The following SBF2 variants were observed in gnomAD, a reference collection of about 807,000 sequenced individuals.
SBF2 encodes the protein myotubularin-related protein 13.
Under a neutral mutation model 225.2 loss-of-function variants are expected in SBF2, and 112 were observed. That is an observed-to-expected ratio of 0.50 (90% CI 0.43 to 0.58). The LOEUF (loss-of-function observed/expected upper bound fraction) is 0.58, where lower values mean the gene tolerates loss of function less well. SBF2 is among the 20% of genes least tolerant of loss of function. The probability of loss-of-function intolerance (pLI) is 0.00; values close to 1 mark genes in which losing one functional copy is unlikely to be tolerated. For missense variants in SBF2, 1,996 were observed against 2,206.2 expected (o/e 0.90, Z 1.91); for synonymous variants, 763 against 773.3 (o/e 0.99, Z 0.22).
intron 2 of SBF2, among the ~76,000 whole-genome samples, chr11:10,054,192 T>C (rs926493947): frequency 3.3e-5 from 5 of 152,202 alleles, no homozygotes; most frequent in African/African-American, 9.6e-5. Flanking sequence ...ATTACTACTA[T>C]ACAACATTTG....
At chr11:9,787,839 C>G in intron 35 of SBF2, 101 bp from the exon 36 acceptor site, 1 of 987,100 alleles carries the variant, frequency 1.0e-6, no homozygotes, top group Non-Finnish European at 1.6e-6. Context: ...AGCAGCATGG[C>G]CAGAGGGCAG....
chr11:10,040,742 G>A (rs866385455), intron 3 of SBF2, among the ~76,000 whole-genome samples: 23 of 151,688 alleles, frequency 1.5e-4, no homozygotes, highest in African/African-American at 4.1e-4. Flanking sequence ...GTGTGTGTAT[G>A]GGGGAGATGG....
At chr11:10,000,151 T>C (rs951991129) in intron 8 of SBF2, among the ~76,000 whole-genome samples, 2 of 152,254 alleles carry the variant, frequency 1.3e-5, no homozygotes, top group Middle Eastern at 3.2e-3. Context: ...TCTGTTTCTA[T>C]AGCCACTTCA....
chr11:10,155,602 T>C lies in SBF2; in HGVS notation c.141+38300A>G, dbSNP rs1955437006. Among the ~76,000 whole-genome samples the C allele has an allele frequency of 2.0e-5, 3 of 152,210 alleles. No homozygotes were observed. In the South Asian group the frequency reaches 6.2e-4, roughly 31 times the overall value. ...ATTCTCATTTCAGAGGGGAAGGTCA[T>C]ACATATTTTAAAACTTCACATATAT... On this transcript the variant is annotated intron_variant, in intron 2 of 39. Transcript: ENST00000256190.
rs755707526 is a variant in SBF2 at position 10,022,277 on chromosome 11, G to A, written c.619+6175C>T. ...AAGCATAGGATAGAATTTCTGTAACGTCCCTGAAGATATTCCAGAATCAAT... is the reference window on the plus strand; with the variant it reads ...AAGCATAGGATAGAATTTCTGTAACATCCCTGAAGATATTCCAGAATCAAT... On this transcript the variant is annotated intron_variant, in intron 6 of 39. Coordinates refer to ENST00000256190, the MANE Select transcript of SBF2 (RefSeq NM_030962.4). Among the ~76,000 whole-genome samples, 14 of 152,078 alleles carry A rather than the reference G, an allele frequency of 9.2e-5. No homozygotes were observed. The South Asian group carries it at 2.3e-3, about 25-fold the overall frequency.
rs749165962 is a variant in SBF2, at chr11:9,858,304, G to A, written c.2022C>T (p.Tyr674=). The A allele has an allele frequency of 1.2e-6, 2 of 1,614,196 alleles. No individual in the cohort carries two copies. Among genetic ancestry groups the A allele is most frequent in the Admixed American group, 1.7e-5 (1 of 60,030 alleles). The part of the protein sequence containing the change: ...TNQQFWETTF[Y]NAVQEQVRSL... ...AGCGAACCTGTTCCTGCACTGCATT[G>A]TAAAAGGTTGTCTCCCAAAATTGCT... The change falls in exon 18 of 40, where the codon TAC becomes TAT. Residue 674 remains tyrosine, a synonymous_variant. Coordinates refer to ENST00000256190, the MANE Select transcript of SBF2 (RefSeq NM_030962.4).
At chr11:9,792,429 C>CAA (rs763276221) in intron 33 of SBF2, among the ~76,000 whole-genome samples, 1,470 of 125,990 alleles carry the variant, frequency 0.012, 18 homozygotes, top group African/African-American at 0.039. Context: ...GACTCCATCT[C>CAA]AAAAAAAAAA....
intron 2 of SBF2, among the ~76,000 whole-genome samples, chr11:10,187,598 C>CT (rs200847815): frequency 1.7e-3 from 244 of 145,044 alleles, no homozygotes; most frequent in African/African-American, 3.2e-3. Flanking sequence ...AATAAACTCA[C>CT]TTTTTTTTTT....
chr11:9,858,894 C>A (rs994649251), intron 17 of SBF2, among the ~76,000 whole-genome samples: 2 of 152,184 alleles, frequency 1.3e-5, no homozygotes, highest in Non-Finnish European at 2.9e-5. Flanking sequence ...GAGAACTGCA[C>A]TTTTCCTACT....
chr11:10,284,879 T>G (rs1963641970), intron 1 of SBF2, among the ~76,000 whole-genome samples: 1 of 151,706 alleles, frequency 6.6e-6, no homozygotes, highest in Non-Finnish European at 1.5e-5. Flanking sequence ...CACCTCAGCC[T>G]CCCAATTACA....
intron 16 of SBF2, among the ~76,000 whole-genome samples, chr11:9,903,263 A>G (rs1233391583): frequency 6.6e-6 from 1 of 152,198 alleles, no homozygotes; most frequent in Non-Finnish European, 1.5e-5. Flanking sequence ...CAGAGCTTGC[A>G]GTGAGCCAAG....
chr11:10,196,590 G>A (rs1957362934), intron 1 of SBF2, among the ~76,000 whole-genome samples: 1 of 151,668 alleles, frequency 6.6e-6, no homozygotes, highest in African/African-American at 2.4e-5. Context: ...CATTGCCCAA[G>A]TTGGTCTTGA....
rs533781637 is a variant in SBF2 at position 9,958,693 on chromosome 11, T to G, written c.1860+3264A>C. On this transcript the variant is annotated intron_variant, in intron 16 of 39. Coordinates refer to ENST00000256190, the MANE Select transcript of SBF2 (RefSeq NM_030962.4). ...ACTGGGAGAGGGGAAGAGTTGGAGTTGGATGAAGTACTAGGAGGGGCTTGA... is the reference window on the plus strand; with the variant it reads ...ACTGGGAGAGGGGAAGAGTTGGAGTGGGATGAAGTACTAGGAGGGGCTTGA... 66 of 332,522 alleles carry G rather than the reference T, an allele frequency of 2.0e-4. No homozygotes were observed. In the East Asian group the frequency reaches 5.1e-3, roughly 26 times the overall value. The allele number at this position is 332,522 out of a possible 1,614,324, so 20.6% of individuals were successfully genotyped here.
intron 2 of SBF2, among the ~76,000 whole-genome samples, chr11:10,135,103 T>C (rs946530466): frequency 6.6e-6 from 1 of 152,348 alleles, no homozygotes; most frequent in Non-Finnish European, 1.5e-5. Flanking sequence ...TTCTGTGCAC[T>C]GGCAGGCTCA....
At chr11:10,079,058 A>T (rs966055732) in intron 2 of SBF2, among the ~76,000 whole-genome samples, 6 of 151,492 alleles carry the variant, frequency 4.0e-5, no homozygotes, top group African/African-American at 4.8e-5. Flanking sequence ...GAAGAAAAAA[A>T]GTTACCTTTC....
intron 16 of SBF2, among the ~76,000 whole-genome samples, chr11:9,938,096 C>T (rs1013020082): frequency 6.6e-6 from 1 of 151,994 alleles, no homozygotes; most frequent in Admixed American, 6.6e-5. Flanking sequence ...TCGAGACCAT[C>T]CTGGTTAACA....
At chr11:10,273,684 T>G (rs537278211) in intron 1 of SBF2, among the ~76,000 whole-genome samples, 1 of 152,238 alleles carries the variant, frequency 6.6e-6, no homozygotes, top group Non-Finnish European at 1.5e-5. Context: ...AATTATAATG[T>G]AGCAGACCAG....
intron 5 of SBF2, 114 bp downstream of exon 5, chr11:10,029,651 T>G: frequency 1.2e-6 from 1 of 862,410 alleles, no homozygotes; most frequent in South Asian, 1.4e-5. Context: ...AGGATCTTCC[T>G]TAAAACAAAA....
chr11:9,806,077 C>T (rs1350488535), intron 32 of SBF2, among the ~76,000 whole-genome samples: 1 of 152,162 alleles, frequency 6.6e-6, no homozygotes, highest in Non-Finnish European at 1.5e-5. Context: ...GATATGAAGA[C>T]TAGTATGACA....
Sources: gnomAD v4.1 joint callset for allele counts (sites outside exome capture counted in the v4.1 genomes callset) on GRCh38, gnomAD v4.1.1 for gene constraint, MANE v1.5 for transcripts, NCBI Gene and HGNC (gene_info 2026-07-23, HGNC 2026-07-21) for gene names.